The following PRKAG3 variants were observed in gnomAD, a reference collection of about 807,000 sequenced individuals.
The protein encoded by PRKAG3 is 5'-AMP-activated protein kinase subunit gamma-3.
In PRKAG3, 39 loss-of-function variants were observed where a neutral mutation model predicts 56.5. That is an observed-to-expected ratio of 0.69 (90% CI 0.53 to 0.90). PRKAG3 has a LOEUF of 0.90. PRKAG3 is among the 40% of genes least tolerant of loss of function. The pLI is 0.00. For synonymous variants in PRKAG3, 243 were observed against 250.1 expected, an observed-to-expected ratio of 0.97 and a Z score of 0.27; for missense variants, 628 against 627.5, an observed-to-expected ratio of 1.00 and a Z score of -0.01.
At chr2:218,830,251 G>C (rs755801986) in exon 4 of PRKAG3, 3 of 1,614,028 alleles carry the variant, frequency 1.9e-6, no homozygotes, top group South Asian at 2.2e-5. Context: ...AGGCTGTACA[G>C]TCAGAGGGGA....
At position 218,827,847 on chromosome 2, in the gene PRKAG3, A is replaced by G. The variant is rs367916025; in HGVS notation, c.806T>C (p.Ile269Thr). The G allele has an allele frequency of 1.9e-6, 3 of 1,613,846 alleles. No individual in the cohort carries two copies. The highest frequency in any genetic ancestry group is 2.5e-6 in the Non-Finnish European group (3 of 1,179,966). ...TCCCCACTCACCCCTCCAGGTCTCA[A>G]TCTTATGTTGTTCAATCTCATAGAT... Residue 269 changes from isoleucine to threonine, a missense_variant, in exon 7 of 13, where the codon ATT becomes ACT. By Grantham distance (89) the Ile-to-Thr change is moderately conservative. Transcript: ENST00000529249. The surrounding 1 kb of genome is among the most constrained non-coding windows in gnomAD (Gnocchi z 5.3).
intron 10 of PRKAG3, among the ~76,000 whole-genome samples, chr2:218,826,261 T>A (rs1473036668): frequency 6.6e-6 from 1 of 152,224 alleles, no homozygotes; most frequent in East Asian, 1.9e-4. Flanking sequence ...AAGTTTTTTA[T>A]AATCAAAAAT....
exon 13 of PRKAG3, chr2:218,823,535 G>T: frequency 1.3e-6 from 1 of 791,942 alleles, no homozygotes; most frequent in Non-Finnish European, 1.9e-6. Context: ...AGTTTTCACA[G>T]GGCTGCTCAG....
intron 4 of PRKAG3, 79 bp downstream of exon 4, chr2:218,829,899 A>C (rs910085653): frequency 1.3e-6 from 2 of 1,562,004 alleles, no homozygotes; most frequent in African/African-American, 2.7e-5. Context: ...TCAGCAGGGC[A>C]TCCTGCAGGG....
chr2:218,827,828 C>A lies in PRKAG3; in HGVS notation c.820+5G>T. ...AGCCCTTTCCGGGTTCCTCTCCCCACTCACCCCTCCAGGTCTCAATCTTAT... is the reference window on the plus strand; with the variant it reads ...AGCCCTTTCCGGGTTCCTCTCCCCAATCACCCCTCCAGGTCTCAATCTTAT... On this transcript the variant is annotated splice_donor_5th_base_variant and intron_variant, in intron 7 of 12. Coordinates refer to ENST00000529249, the Ensembl canonical transcript of PRKAG3. The surrounding 1 kb of genome is among the most constrained non-coding windows in gnomAD (Gnocchi z 5.3). 2.5e-6 allele frequency: 4 copies of A among 1,613,868 alleles called. No individual in the cohort carries two copies. Among genetic ancestry groups the A allele is most frequent in the Non-Finnish European group, 3.4e-6 (4 of 1,179,824 alleles).
rs1042217156 is a variant in PRKAG3, at chr2:218,827,463, G to A, written c.876-90C>T. On this transcript the variant is annotated intron_variant, in intron 8 of 12. Transcript: ENST00000529249. This position sits in a 1 kb window ranked among gnomAD's most constrained non-coding sequence, Gnocchi z 5.3. ...CTAAAAAGGAGGGCAGGGCACCAAGGCTCCCTTGTCTGTGTGCCGCCTAGG... is the reference window on the plus strand; with the variant it reads ...CTAAAAAGGAGGGCAGGGCACCAAGACTCCCTTGTCTGTGTGCCGCCTAGG... 2.0e-5 allele frequency: 32 copies of A among 1,604,460 alleles called. No homozygotes were observed. In the South Asian group the frequency reaches 3.3e-4, roughly 17 times the overall value.
intron 12 of PRKAG3, 41 bp from the exon 13 acceptor site, chr2:218,823,919 G>A (rs1943890019): frequency 6.3e-7 from 1 of 1,575,150 alleles, no homozygotes. Flanking sequence ...AGAGCCATGG[G>A]GCTACAGCAG....
At chr2:218,828,040 G>T in exon 6 of PRKAG3, 1 of 1,562,420 alleles carries the variant, frequency 6.4e-7, no homozygotes, top group South Asian at 1.2e-5. Flanking sequence ...GCACCAGGAT[G>T]AAGTCAGTGA....
At chr2:218,825,913 T>C (rs1248465569) in intron 10 of PRKAG3, among the ~76,000 whole-genome samples, 1 of 151,624 alleles carries the variant, frequency 6.6e-6, no homozygotes, top group African/African-American at 2.4e-5. Flanking sequence ...TGCGCCACCA[T>C]GCCCAGCTAA....
At chr2:218,823,780 G>A (rs763078165) in exon 13 of PRKAG3, 5 of 1,613,982 alleles carry the variant, frequency 3.1e-6, no homozygotes, top group African/African-American at 1.3e-5. Context: ...CGAGGGCATC[G>A]ATGCCAGCAG....
At chr2:218,828,457 A>C in intron 5 of PRKAG3, 62 bp downstream of exon 5, 1 of 1,478,106 alleles carries the variant, frequency 6.8e-7, no homozygotes, top group Non-Finnish European at 9.2e-7. Context: ...GCCCCAGAAC[A>C]ACCGTACAAG....
Position 218,823,972 on chromosome 2 carries a change from T to C in PRKAG3, c.1354-94A>G, listed in dbSNP as rs1943890943. 9.0e-6 allele frequency: 12 copies of C among 1,333,532 alleles called. No individual in the cohort carries two copies. The South Asian group carries it at 1.4e-4, about 16-fold the overall frequency. The allele number at this position is 1,333,532 out of a possible 1,614,324, so 82.6% of individuals were successfully genotyped here. ...AAGAATCAGGGGAAACAACCCAACA[T>C]GACTGAGGGAGAGAGCGTCTCCTAG... On this transcript the variant is annotated intron_variant, in intron 12 of 12. Coordinates refer to ENST00000529249, the Ensembl canonical transcript of PRKAG3.
chr2:218,830,626 G>T, intron 3 of PRKAG3, 120 bp downstream of exon 3: 1 of 1,318,626 alleles, frequency 7.6e-7, no homozygotes, highest in Non-Finnish European at 1.0e-6. Context: ...GAGGCCACAA[G>T]ATGAAGGTTG....
chr2:218,827,829 T>C lies in PRKAG3; in HGVS notation c.820+4A>G, dbSNP rs1559397958. 1 of 1,613,582 alleles carries C rather than the reference T, an allele frequency of 6.2e-7. No individual in the cohort carries two copies. ...GCCCTTTCCGGGTTCCTCTCCCCAC[T>C]CACCCCTCCAGGTCTCAATCTTATG... On this transcript the variant is annotated splice_donor_region_variant and intron_variant, in intron 7 of 12. Coordinates refer to ENST00000529249, the Ensembl canonical transcript of PRKAG3. The surrounding 1 kb of genome is among the most constrained non-coding windows in gnomAD (Gnocchi z 5.3).
At chr2:218,823,748 G>A in exon 13 of PRKAG3, 1 of 1,613,786 alleles carries the variant, frequency 6.2e-7, no homozygotes, top group South Asian at 1.1e-5. Flanking sequence ...TTGGGATTGA[G>A]GACTCAGATC....
chr2:218,823,972 T>A (rs1943890943), intron 12 of PRKAG3, 94 bp from the exon 13 acceptor site: 5 of 1,333,650 alleles, frequency 3.7e-6, no homozygotes, highest in Non-Finnish European at 4.3e-6. Flanking sequence ...CAACCCAACA[T>A]GACTGAGGGA....
At chr2:218,823,924 C>T (rs370723595) in intron 12 of PRKAG3, 46 bp from the exon 13 acceptor site, 2 of 1,563,082 alleles carry the variant, frequency 1.3e-6, no homozygotes, top group East Asian at 2.2e-5. Flanking sequence ...CATGGGGCTA[C>T]AGCAGCTACT....
chr2:218,830,100 C>T (rs200004875), exon 4 of PRKAG3: 163 of 1,612,898 alleles, frequency 1.0e-4, no homozygotes, highest in Admixed American at 1.2e-4. Context: ...TCATCCCAGC[C>T]CAGCTTGGGA....
intron 2 of PRKAG3, 139 bp from the exon 3 acceptor site, chr2:218,831,040 G>T: frequency 1.8e-6 from 2 of 1,110,436 alleles, no homozygotes; most frequent in Non-Finnish European, 1.3e-6. Context: ...ACTTACAGCA[G>T]CCTTATAAAG....
Sources: allele counts gnomAD v4.1 joint callset (sites outside exome capture counted in the v4.1 genomes callset), GRCh38; gene constraint gnomAD v4.1.1; non-coding constraint Gnocchi (gnomAD v3.1); transcripts MANE v1.5; gene names NCBI Gene and HGNC (gene_info 2026-07-23, HGNC 2026-07-21).